Variants in DMD observed in about 807,000 individuals in gnomAD.
DMD encodes the protein mutant dystrophin.
Under a neutral mutation model 330.1 loss-of-function variants are expected in DMD, and 63 were observed. The ratio of observed to expected loss-of-function variants is 0.19; its 90% CI spans 0.16 to 0.24. The LOEUF is 0.24. Among genes scored for constraint, DMD ranks in the 10% least tolerant of loss-of-function variants. The pLI is 1.00. For missense variants in DMD, 3,344 were observed against 2,684.1 expected (o/e 1.25, Z -5.43); for synonymous variants, 1,223 against 959.8 (o/e 1.27, Z -5.07).
intron 59 of DMD, among the ~76,000 whole-genome samples, chrX:31,472,885 T>C (rs763188656): frequency 3.6e-5 from 4 of 112,435 alleles, no homozygotes; most frequent in African/African-American, 6.4e-5. Flanking sequence ...AGTTAAAAGT[T>C]TGACAAAAAT....
At chrX:31,740,758 G>A (rs965975802) in intron 51 of DMD, among the ~76,000 whole-genome samples, 3 of 111,787 alleles carry the variant, frequency 2.7e-5, no homozygotes, top group Admixed American at 1.9e-4. Context: ...TCAGGGTGGC[G>A]GTTGCTGAAG....
At chrX:32,274,466 G>A (rs889517303) in intron 43 of DMD, among the ~76,000 whole-genome samples, 2 of 111,995 alleles carry the variant, frequency 1.8e-5, no homozygotes, top group Admixed American at 1.9e-4. Context: ...AAGATATAAG[G>A]CAAATGATCC....
intron 65 of DMD, among the ~76,000 whole-genome samples, chrX:31,208,253 A>T (rs1921709): frequency 9.0e-6 from 1 of 110,648 alleles, no homozygotes; most frequent in Non-Finnish European, 1.9e-5. Context: ...AATGGACTAA[A>T]CAAATTCCTA....
At chrX:32,455,427 C>G (rs1212883994) in intron 25 of DMD, among the ~76,000 whole-genome samples, 1 of 110,873 alleles carries the variant, frequency 9.0e-6, no homozygotes, top group Non-Finnish European at 1.9e-5. Flanking sequence ...CATGTTAAGA[C>G]AGGGAAAAAT....
intron 44 of DMD, among the ~76,000 whole-genome samples, chrX:32,153,322 C>G (rs954537549): frequency 9.1e-6 from 1 of 110,285 alleles, no homozygotes; most frequent in Non-Finnish European, 1.9e-5. Context: ...TATTTTTTAC[C>G]AAATCGTATA....
At chrX:32,891,116 T>C (rs1255603391) in intron 2 of DMD, among the ~76,000 whole-genome samples, 10 of 112,629 alleles carry the variant, frequency 8.9e-5, no homozygotes, top group African/African-American at 2.9e-4. Context: ...AAAGTTTAAA[T>C]TACATATATA....
chrX:31,246,806 A>C (rs760504490), intron 63 of DMD, among the ~76,000 whole-genome samples: 1 of 110,910 alleles, frequency 9.0e-6, no homozygotes, highest in African/African-American at 3.3e-5. Flanking sequence ...GACGCCTGTA[A>C]TCCCAGCTAC....
chrX:31,389,338 G>C (rs1227034776), intron 60 of DMD, among the ~76,000 whole-genome samples: 2 of 112,088 alleles, frequency 1.8e-5, no homozygotes, highest in African/African-American at 6.5e-5. Context: ...TAAAGCACTT[G>C]TACCATTATT....
At chrX:31,827,706 C>A (rs997714886) in intron 49 of DMD, among the ~76,000 whole-genome samples, 1 of 111,756 alleles carries the variant, frequency 8.9e-6, no homozygotes, top group South Asian at 3.7e-4. Context: ...AAATCAAAAT[C>A]ATATCAAGTA....
chrX:32,411,731 C>A lies in DMD; in HGVS notation c.4233+21G>T, dbSNP rs769122349. 4 of 1,208,954 alleles carry A rather than the reference C, an allele frequency of 3.3e-6. No homozygotes were observed. In the East Asian group the frequency reaches 1.2e-4, roughly 36 times the overall value. ...AGTAATAAAAACAAAAGAATGGAAG[C>A]TGATTCCCAGATGTACTTGCCTGGG... is the stretch of plus-strand genomic sequence containing the variant. On this transcript the variant is annotated intron_variant, in intron 30 of 78. Transcript: ENST00000357033.
intron 44 of DMD, among the ~76,000 whole-genome samples, chrX:32,160,241 T>C (rs1037995452): frequency 9.2e-6 from 1 of 108,920 alleles, no homozygotes; most frequent in Non-Finnish European, 1.9e-5. Flanking sequence ...TGTTTGTTTT[T>C]TGCTTTTTTG....
At chrX:31,325,450 A>AG (rs1230917471) in intron 61 of DMD, among the ~76,000 whole-genome samples, 1 of 105,052 alleles carries the variant, frequency 9.5e-6, no homozygotes, top group Non-Finnish European at 2.0e-5. Context: ...AAATACCAAA[A>AG]AAAAAAAAAA....
intron 45 of DMD, among the ~76,000 whole-genome samples, chrX:31,942,526 G>T (rs2095021017): frequency 8.9e-6 from 1 of 111,797 alleles, no homozygotes; most frequent in South Asian, 3.7e-4. Context: ...ATCCATATCA[G>T]GATTCATCAT....
chrX:31,476,788 T>C (rs1645145714), intron 59 of DMD, among the ~76,000 whole-genome samples: 1 of 110,654 alleles, frequency 9.0e-6, no homozygotes, highest in South Asian at 3.8e-4. Context: ...GAGGGGTGAA[T>C]GGGATTTAAA....
At chrX:31,662,562 G>A (rs1372668295) in intron 53 of DMD, among the ~76,000 whole-genome samples, 6 of 112,124 alleles carry the variant, frequency 5.4e-5, no homozygotes, top group African/African-American at 1.9e-4. Context: ...TCACCTACAA[G>A]TAAAATAAAT....
intron 28 of DMD, 30 bp downstream of exon 28, chrX:32,441,146 AAATT>A (rs2098280104): frequency 8.4e-7 from 1 of 1,197,382 alleles, no homozygotes; most frequent in Non-Finnish European, 1.1e-6. Flanking sequence ...TACTGCATAT[AAATT>A]ATCATCATTT....
chrX:32,320,081 C>T (rs1244014680), intron 41 of DMD, among the ~76,000 whole-genome samples: 1 of 110,673 alleles, frequency 9.0e-6, no homozygotes, highest in South Asian at 3.7e-4. Flanking sequence ...TATGGAAAGA[C>T]CTTAAATACT....
chrX:32,670,163 TC>T (rs1416264239), intron 9 of DMD, among the ~76,000 whole-genome samples: 1 of 111,535 alleles, frequency 9.0e-6, no homozygotes, highest in Non-Finnish European at 1.9e-5. Context: ...TTATTATACT[TC>T]CTATCTCTAC....
chrX:32,761,121 G>A (rs1029920413), intron 7 of DMD, among the ~76,000 whole-genome samples: 6 of 111,856 alleles, frequency 5.4e-5, no homozygotes, highest in Non-Finnish European at 1.1e-4. Flanking sequence ...GTTTACAAGT[G>A]TCATTTGTTC....
Sources: gnomAD v4.1 joint callset for allele counts (sites outside exome capture counted in the v4.1 genomes callset) on GRCh38, gnomAD v4.1.1 for gene constraint, MANE v1.5 for transcripts, NCBI Gene and HGNC (gene_info 2026-07-23, HGNC 2026-07-21) for gene names.